ELOVL5: variants seen among roughly 807,000 people sequenced by gnomAD.
ELOVL5 encodes very long chain fatty acid elongase 5.
A neutral mutation model predicts 38.6 loss-of-function variants in ELOVL5; 8 were observed. The ratio of observed to expected loss-of-function variants is 0.21; its 90% CI spans 0.12 to 0.37. ELOVL5 has a LOEUF of 0.37. Ranked by LOEUF, ELOVL5 falls within the 10% of genes least tolerant of loss-of-function variation. The pLI, the probability that ELOVL5 is intolerant of heterozygous loss-of-function variation, is 1.00. For missense variants in ELOVL5, 280 were observed against 367.8 expected (o/e 0.76, Z 1.95); for synonymous variants, 127 against 133.7 (o/e 0.95, Z 0.34).
At chr6:53,304,400 C>T (rs1317433341) in intron 1 of ELOVL5, among the ~76,000 whole-genome samples, 1 of 151,710 alleles carries the variant, frequency 6.6e-6, no homozygotes, top group African/African-American at 2.4e-5. Flanking sequence ...AAAACAGAAA[C>T]AAAAAATGCA....
chr6:53,338,295 T>A (rs755673074), intron 1 of ELOVL5, among the ~76,000 whole-genome samples: 3 of 152,186 alleles, frequency 2.0e-5, no homozygotes, highest in Non-Finnish European at 4.4e-5. Context: ...TTACTGTCAC[T>A]TGTCACATCC....
At chr6:53,333,275 C>T (rs1385249638) in intron 1 of ELOVL5, among the ~76,000 whole-genome samples, 2 of 152,234 alleles carry the variant, frequency 1.3e-5, no homozygotes, top group African/African-American at 2.4e-5. Context: ...TTCACAGCCA[C>T]AGAACAGACA....
rs1036387305 is a variant in ELOVL5, at chr6:53,268,783, TAA to T, written c.*342_*343del. 2 of 169,960 alleles carry T rather than the reference TAA, an allele frequency of 1.2e-5. No homozygotes were observed. The highest frequency in any genetic ancestry group is 2.5e-5 in the Non-Finnish European group (2 of 81,070). 10.5% of individuals were successfully genotyped at this position (169,960 alleles called of 1,614,324 possible). A position where few individuals can be genotyped will look rare whatever the true frequency, so the allele number is the denominator to read the frequency against. ...TACAATCACATGCATGATCTACAGT[TAA>T]AAAAAAAAGTTTGGATTACAGTGTT... is the stretch of plus-strand genomic sequence containing the variant. On this transcript the variant is annotated 3_prime_UTR_variant, in exon 8 of 8. Coordinates refer to ENST00000304434, the MANE Select transcript of ELOVL5 (RefSeq NM_021814.5).
At chr6:53,279,230 T>A (rs1766265617) in intron 3 of ELOVL5, among the ~76,000 whole-genome samples, 2 of 152,194 alleles carry the variant, frequency 1.3e-5, no homozygotes, top group African/African-American at 2.4e-5. Flanking sequence ...GGATTAAACA[T>A]AAGTGTTGGC....
intron 3 of ELOVL5, among the ~76,000 whole-genome samples, chr6:53,289,662 G>A (rs1218975881): frequency 6.6e-6 from 1 of 152,194 alleles, no homozygotes; most frequent in Non-Finnish European, 1.5e-5. Flanking sequence ...GGAGGTTGCA[G>A]TGAGCCGAGA....
At chr6:53,290,990 T>G (rs1332865350) in intron 3 of ELOVL5, among the ~76,000 whole-genome samples, 2 of 152,156 alleles carry the variant, frequency 1.3e-5, no homozygotes, top group African/African-American at 4.8e-5. Context: ...AATAGGTTGG[T>G]GCTGTAAGAA....
intron 1 of ELOVL5, among the ~76,000 whole-genome samples, chr6:53,348,524 G>T (rs1368832991): frequency 6.6e-6 from 1 of 152,206 alleles, no homozygotes; most frequent in Non-Finnish European, 1.5e-5. Flanking sequence ...GCACAGGTGG[G>T]ACCGCAGCAC....
chr6:53,327,519 C>T (rs2067786929), intron 1 of ELOVL5, among the ~76,000 whole-genome samples: 2 of 151,206 alleles, frequency 1.3e-5, no homozygotes, highest in South Asian at 4.2e-4. Flanking sequence ...GGGTGGTTGT[C>T]AGGGGCTCAG....
intron 1 of ELOVL5, among the ~76,000 whole-genome samples, chr6:53,308,828 T>A (rs984829035): frequency 1.4e-5 from 2 of 139,486 alleles, no homozygotes; most frequent in African/African-American, 5.5e-5. Context: ...TCCAACAAAT[T>A]CTGCAGCAAT....
At chr6:53,293,559 C>A (rs2127574999) in intron 2 of ELOVL5, among the ~76,000 whole-genome samples, 1 of 152,258 alleles carries the variant, frequency 6.6e-6, no homozygotes, top group South Asian at 2.1e-4. Context: ...CTCAGGGGAC[C>A]CACCTGCCTT....
intron 3 of ELOVL5, among the ~76,000 whole-genome samples, chr6:53,278,604 A>C (rs1476077421): frequency 6.6e-6 from 1 of 152,222 alleles, no homozygotes; most frequent in Admixed American, 6.5e-5. Context: ...AAAGAACTCA[A>C]ACCTCAGTAT....
intron 3 of ELOVL5, among the ~76,000 whole-genome samples, chr6:53,279,814 C>T (rs932986078): frequency 7.2e-5 from 11 of 152,090 alleles, no homozygotes; most frequent in African/African-American, 2.7e-4. Flanking sequence ...TTTAACAAAC[C>T]AAGACCAAGG....
chr6:53,324,294 AAC>A (rs890917170), intron 1 of ELOVL5, among the ~76,000 whole-genome samples: 19 of 151,990 alleles, frequency 1.3e-4, no homozygotes, highest in African/African-American at 4.3e-4. Flanking sequence ...AGAAAAGAAA[AAC>A]AGTTACAGAT....
Position 53,291,802 on chromosome 6 carries a change from G to A in ELOVL5, c.220C>T (p.Leu74=). The A allele has an allele frequency of 6.2e-7, 1 of 1,612,858 alleles. No individual in the cohort carries two copies. The highest frequency in any genetic ancestry group is 8.5e-7 in the Non-Finnish European group (1 of 1,179,556). The change falls in exon 3 of 8, where the codon CTG becomes TTG. Residue 74 remains leucine, a synonymous_variant. Coordinates refer to ENST00000304434, the MANE Select transcript of ELOVL5 (RefSeq NM_021814.5). ...ILVVYNLGLT[L]LSLYMFCELV... is the part of the protein sequence containing the mutation. ...TCACAGAACATATACAGAGACAGCA[G>A]TGTGAGTCCAAGGTTATACACCACT...
At chr6:53,303,115 G>T (rs1767326919) in intron 1 of ELOVL5, among the ~76,000 whole-genome samples, 1 of 152,090 alleles carries the variant, frequency 6.6e-6, no homozygotes, top group African/African-American at 2.4e-5. Flanking sequence ...GCTTTAATTT[G>T]GTAGTCACAA....
intron 2 of ELOVL5, chr6:53,294,187 T>C (rs905139365): frequency 1.4e-6 from 2 of 1,466,468 alleles, no homozygotes; most frequent in South Asian, 2.8e-5. Context: ...CACCGCACAG[T>C]GCTTCCCGGG....
chr6:53,345,518 T>C (rs1303084415), intron 1 of ELOVL5, among the ~76,000 whole-genome samples: 1 of 63,782 alleles, frequency 1.6e-5, no homozygotes, highest in Admixed American at 1.9e-4. Context: ...ATATACTAAA[T>C]CAGGAAACCC....
At chr6:53,316,545 C>T (rs535443944) in intron 1 of ELOVL5, among the ~76,000 whole-genome samples, 3 of 151,756 alleles carry the variant, frequency 2.0e-5, no homozygotes, top group Admixed American at 6.6e-5. Flanking sequence ...GAAGGGGTGA[C>T]AGTTGGGGCG....
Position 53,275,254 on chromosome 6 carries a change from C to T in ELOVL5, c.332G>A (p.Arg111His), listed in dbSNP as rs1269834528. ...GGAGAAGTAGTACCACCAGAGGACA[C>T]GGATAATCTAAGAGGAAAGGGTCAA... ...TAGESDMKIIRVLWWYYFSKL... is the reference protein window; with the variant it reads ...TAGESDMKIIHVLWWYYFSKL... Residue 111 changes from arginine (R) to histidine (H), a missense_variant, in exon 5 of 8, where the codon CGT becomes CAT. Physicochemically the swap from Arg to His is conservative, Grantham distance 29. Coordinates refer to ENST00000304434, the MANE Select transcript of ELOVL5 (RefSeq NM_021814.5). 1.1e-5 allele frequency: 18 copies of T among 1,613,842 alleles called. No individual in the cohort carries two copies. The highest frequency in any genetic ancestry group is 3.3e-5 in the Admixed American group (2 of 60,004).
Sources: allele counts gnomAD v4.1 joint callset (sites outside exome capture counted in the v4.1 genomes callset), GRCh38; gene constraint gnomAD v4.1.1; transcripts MANE v1.5; gene names NCBI Gene and HGNC (gene_info 2026-07-23, HGNC 2026-07-21).